Variants in PCDHA1 observed in about 807,000 individuals in gnomAD.
PCDHA1 encodes protocadherin alpha-1.
A neutral mutation model predicts 61.3 loss-of-function variants in PCDHA1; 42 were observed. The ratio of observed to expected loss-of-function variants is 0.69; its 90% CI spans 0.54 to 0.89. PCDHA1 has a LOEUF of 0.89. PCDHA1 is among the 40% of genes least tolerant of loss of function. The pLI is 0.00. For synonymous variants in PCDHA1, 610 were observed against 553.8 expected (o/e 1.10, Z -1.43); for missense variants, 1,256 against 1,235.3 (o/e 1.02, Z -0.25).
intron 3 of PCDHA1, among the ~76,000 whole-genome samples, chr5:141,004,282 G>T (rs1444607316): frequency 3.3e-5 from 5 of 152,190 alleles, no homozygotes; most frequent in African/African-American, 1.2e-4. Context: ...ACATGCTGCT[G>T]AGCTCTCAGA....
At position 140,796,943 on chromosome 5, in the gene PCDHA1, C is replaced by T; in HGVS notation, c.2394+8259C>T. 1 of 1,613,846 alleles carries T rather than the reference C, an allele frequency of 6.2e-7. No homozygotes were observed. The highest frequency in any genetic ancestry group is 8.5e-7 in the Non-Finnish European group (1 of 1,179,976). On this transcript the variant is annotated intron_variant, in intron 1 of 3. Coordinates refer to ENST00000504120, the MANE Select transcript of PCDHA1 (RefSeq NM_018900.4). ...AAGGACCACGGCGAACCAGCGTTGACAGCCACGGCCACCGTGTTAGTGTCG... is the reference window on the plus strand; with the variant it reads ...AAGGACCACGGCGAACCAGCGTTGATAGCCACGGCCACCGTGTTAGTGTCG...
At chr5:140,832,455 G>A (rs2150201808) in intron 1 of PCDHA1, among the ~76,000 whole-genome samples, 8 of 152,070 alleles carry the variant, frequency 5.3e-5, no homozygotes, top group Non-Finnish European at 1.2e-4. Flanking sequence ...AATTAATATT[G>A]CACTAAAATT....
At chr5:140,858,220 G>A (rs1271468400) in intron 1 of PCDHA1, 1 of 1,595,980 alleles carries the variant, frequency 6.3e-7, no homozygotes, top group South Asian at 1.1e-5. Context: ...GCTCGGCGGC[G>A]CCCACCGAGG....
intron 1 of PCDHA1, chr5:140,857,734 C>G: frequency 3.1e-6 from 5 of 1,597,392 alleles, no homozygotes; most frequent in Non-Finnish European, 4.3e-6. Flanking sequence ...ACAACGCTCC[C>G]GCGCTGCTGG....
intron 1 of PCDHA1, among the ~76,000 whole-genome samples, chr5:140,909,417 G>A (rs1016868783): frequency 2.0e-5 from 3 of 152,156 alleles, no homozygotes; most frequent in Non-Finnish European, 1.5e-5. Flanking sequence ...TTACCATTTG[G>A]TTAAACTTAT....
chr5:140,941,467 C>G (rs1290341607), intron 1 of PCDHA1, among the ~76,000 whole-genome samples: 4 of 151,456 alleles, frequency 2.6e-5, no homozygotes, highest in Non-Finnish European at 5.9e-5. Context: ...AGGCGCCCAC[C>G]ACCACGCCTG....
chr5:140,987,513 A>C (rs1324114239), intron 3 of PCDHA1, among the ~76,000 whole-genome samples: 3 of 152,168 alleles, frequency 2.0e-5, no homozygotes, highest in Non-Finnish European at 4.4e-5. Flanking sequence ...TCTGCCACTC[A>C]GTAATTGTAT....
intron 1 of PCDHA1, chr5:140,969,368 G>A: frequency 6.2e-7 from 1 of 1,608,874 alleles, no homozygotes; most frequent in Non-Finnish European, 8.5e-7. Flanking sequence ...ACAAACTCAT[G>A]CATTTGTTAC....
chr5:140,901,331 G>A (rs545187943), intron 1 of PCDHA1, among the ~76,000 whole-genome samples: 66 of 152,062 alleles, frequency 4.3e-4, no homozygotes, highest in Non-Finnish European at 7.1e-4. Flanking sequence ...TCTTGTAGTC[G>A]TTTTATAGTT....
intron 1 of PCDHA1, among the ~76,000 whole-genome samples, chr5:140,878,898 G>A (rs2057763490): frequency 6.6e-6 from 1 of 152,154 alleles, no homozygotes; most frequent in South Asian, 2.1e-4. Flanking sequence ...ACTACAGGCA[G>A]GCTCCACCAC....
chr5:140,822,267 T>A, intron 1 of PCDHA1: 1 of 1,614,250 alleles, frequency 6.2e-7, no homozygotes, highest in Non-Finnish European at 8.5e-7. Flanking sequence ...TTGGAGCAAA[T>A]GCACAATTGA....
intron 3 of PCDHA1, among the ~76,000 whole-genome samples, chr5:140,993,043 A>G (rs1402138607): frequency 1.3e-5 from 2 of 152,186 alleles, no homozygotes; most frequent in Non-Finnish European, 2.9e-5. Context: ...TGTGTCATCA[A>G]GATGTCAATC....
At chr5:140,883,792 G>C (rs1050179503) in intron 1 of PCDHA1, 7 of 1,612,560 alleles carry the variant, frequency 4.3e-6, no homozygotes, top group African/African-American at 1.3e-5. Flanking sequence ...CGAGCTACGT[G>C]TCGGTGCACG....
At chr5:140,875,342 A>T in intron 1 of PCDHA1, 1 of 1,443,152 alleles carries the variant, frequency 6.9e-7, no homozygotes, top group Non-Finnish European at 9.1e-7. Flanking sequence ...GATCGACTCC[A>T]TAATGACTGT....
intron 1 of PCDHA1, chr5:140,808,630 C>T (rs879967901): frequency 6.2e-7 from 1 of 1,613,606 alleles, no homozygotes; most frequent in African/African-American, 1.3e-5. Flanking sequence ...CTGCGTGGGA[C>T]GCGGACGCGC....
At chr5:140,857,723 G>C (rs782731784) in intron 1 of PCDHA1, 1 of 1,597,514 alleles carries the variant, frequency 6.3e-7, no homozygotes, top group Non-Finnish European at 8.6e-7. Flanking sequence ...GGACGAGAAC[G>C]ACAACGCTCC....
chr5:140,843,665 T>G (rs2150364674), intron 1 of PCDHA1: 2 of 1,593,538 alleles, frequency 1.3e-6, no homozygotes, highest in South Asian at 1.1e-5. Flanking sequence ...TGATCTGGGA[T>G]CAGTTGATGT....
At chr5:140,882,228 T>C in intron 1 of PCDHA1, 8 of 1,564,682 alleles carry the variant, frequency 5.1e-6, no homozygotes, top group Non-Finnish European at 6.9e-6. Flanking sequence ...GGTAAGGCGT[T>C]GTATATATTG....
intron 3 of PCDHA1, among the ~76,000 whole-genome samples, chr5:140,990,735 C>T (rs1554251705): frequency 6.6e-6 from 1 of 152,112 alleles, no homozygotes; most frequent in African/African-American, 2.4e-5. Flanking sequence ...ATATCAACAG[C>T]CCTAGGGTGG....
Sources: allele counts gnomAD v4.1 joint callset (sites outside exome capture counted in the v4.1 genomes callset), GRCh38; gene constraint gnomAD v4.1.1; transcripts MANE v1.5; gene names NCBI Gene and HGNC (gene_info 2026-07-23, HGNC 2026-07-21).